Variants in MAG observed in about 807,000 individuals in gnomAD.
MAG encodes the protein myelin associated glycoprotein.
In MAG, 30 loss-of-function variants were observed where a neutral mutation model predicts 60.7. The ratio of observed to expected loss-of-function variants is 0.49; its 90% CI spans 0.37 to 0.67. MAG has a LOEUF of 0.67. Ranked by LOEUF, MAG falls within the 30% of genes least tolerant of loss-of-function variation. The probability of loss-of-function intolerance (pLI) is 0.00; values close to 1 mark genes in which losing one functional copy is unlikely to be tolerated. For missense variants in MAG, 795 were observed against 851.7 expected (o/e 0.93, Z 0.83); for synonymous variants, 384 against 376.8 (o/e 1.02, Z -0.22).
intron 9 of MAG, among the ~76,000 whole-genome samples, chr19:35,311,630 G>C (rs931340090): frequency 2.0e-5 from 3 of 152,240 alleles, no homozygotes; most frequent in African/African-American, 7.2e-5. Flanking sequence ...GGTGGCAAGA[G>C]GGGCAGAAAG....
At chr19:35,297,684 C>T (rs2066411590) in intron 4 of MAG, among the ~76,000 whole-genome samples, 2 of 147,878 alleles carry the variant, frequency 1.4e-5, no homozygotes, top group Admixed American at 6.8e-5. Context: ...ATACACCACA[C>T]ACTGCACATG....
In MAG at chr19:35,310,637, G is replaced by A. The variant is rs769951488; in HGVS notation, c.1610G>A (p.Arg537His). The A allele has an allele frequency of 9.3e-6, 15 of 1,613,850 alleles. No homozygotes were observed. The highest frequency in any genetic ancestry group is 1.3e-5 in the Non-Finnish European group (15 of 1,180,004). Residue 537 changes from arginine (R) to histidine (H), a missense_variant, in exon 9 of 11, where the codon CGC becomes CAC. Transcript: ENST00000392213. ...ATCGTCTGCTACATTACCCAGACAC[G>A]CAGGAAGTGAGTGCCAGCTGGGGCT... ...IAIVCYITQT[R>H]RKKNVTESPS...
In MAG at chr19:35,295,284, T is replaced by TAGC; in HGVS notation, c.-23-92_-23-90dup. On this transcript the variant is annotated intron_variant, in intron 2 of 10. Transcript: ENST00000392213. The surrounding 1 kb of genome is among the most constrained non-coding windows in gnomAD (Gnocchi z 5.8). ...AAATAAATGCATAAATAAATAATAA[T>TAGC]AGCAGCAGCAGCTAACATATGAATG... is the stretch of plus-strand genomic sequence containing the variant. 2.3e-6 allele frequency: 2 copies of TAGC among 862,934 alleles called. No individual in the cohort carries two copies. Among genetic ancestry groups the TAGC allele is most frequent in the Non-Finnish European group, 3.7e-6 (2 of 546,610 alleles). 53.5% of individuals were successfully genotyped at this position (862,934 alleles called of 1,614,324 possible). A position where few individuals can be genotyped will look rare whatever the true frequency, so the allele number is the denominator to read the frequency against.
Position 35,304,066 on chromosome 19 carries a change from G to A in MAG, c.1231+1358G>A, listed in dbSNP as rs112478400. On this transcript the variant is annotated intron_variant, in intron 7 of 10. Transcript: ENST00000392213. ...AATTCAAAGCAGTGTCTGCTACACA[G>A]TACATGCTCTGTGCTGTGTACATGG... is the stretch of plus-strand genomic sequence containing the variant. Among the ~76,000 whole-genome samples, 8 of 152,308 alleles carry A rather than the reference G, an allele frequency of 5.3e-5. 1 individual carries two copies. Among genetic ancestry groups the A allele is most frequent in the African/African-American group, 1.7e-4 (7 of 41,556 alleles).
In MAG at chr19:35,308,569, A is replaced by G. The variant is rs138104172; in HGVS notation, c.1232-1305A>G. Reference sequence around the variant, plus strand: ...GAACATAGCAAGACCCTGTCTCTACAAAAACAAACAAAAACCCTCCAGTAA... The same window carrying G: ...GAACATAGCAAGACCCTGTCTCTACGAAAACAAACAAAAACCCTCCAGTAA... On this transcript the variant is annotated intron_variant, in intron 7 of 10. Transcript: ENST00000392213. Among the ~76,000 whole-genome samples, 184 of 152,310 alleles carry G rather than the reference A, an allele frequency of 1.2e-3. 4 individuals are homozygous for G. The East Asian group carries it at 0.032, about 27-fold the overall frequency.
rs543856932 is a variant in MAG, at chr19:35,312,220, G to A, written c.1716+203G>A. On this transcript the variant is annotated intron_variant, in intron 10 of 10. Coordinates refer to ENST00000392213, the MANE Select transcript of MAG (RefSeq NM_002361.4). ...GCTGTGTAGGGGGCGATGGGACGTG[G>A]GGCCTAAGGGCCCCCTCCCCTCCCT... 159 of 1,496,780 alleles carry A rather than the reference G, an allele frequency of 1.1e-4. 3 individuals are homozygous for A. In the South Asian group the frequency reaches 1.7e-3, roughly 16 times the overall value. The allele number at this position is 1,496,780 out of a possible 1,614,324, so 92.7% of individuals were successfully genotyped here.
chr19:35,312,090 A>C (rs1459724069), intron 10 of MAG, 73 bp downstream of exon 10: 55 of 1,435,368 alleles, frequency 3.8e-5, no homozygotes, highest in Non-Finnish European at 5.1e-5. Context: ...AAGGCCTGTG[A>C]GGCCAAGGGG....
intron 4 of MAG, among the ~76,000 whole-genome samples, chr19:35,297,886 CACCACACACACAT>C (rs1484412789): frequency 6.7e-6 from 1 of 149,806 alleles, no homozygotes; most frequent in African/African-American, 2.5e-5. Context: ...ACCAAACACA[CACCACACACACAT>C]ACCACACTAC....
rs2066437398 is a variant in MAG at position 35,300,152 on chromosome 19, C to T, written c.718C>T (p.Pro240Ser). 3.3e-6 allele frequency: 5 copies of T among 1,533,644 alleles called. No homozygotes were observed. Among genetic ancestry groups the T allele is most frequent in the Non-Finnish European group, 4.4e-6 (5 of 1,136,530 alleles). The change falls in exon 6 of 11, where the codon CCG becomes TCG. Residue 240 changes from proline to serine, a missense_variant. Coordinates refer to ENST00000392213, the MANE Select transcript of MAG (RefSeq NM_002361.4). Reference sequence around the variant, plus strand: ...CGCTGTGTCGCGGGCCTTAGACCCCCCGGTGATTGTGGAGATGAACTCCTC... The same window carrying T: ...CGCTGTGTCGCGGGCCTTAGACCCCTCGGTGATTGTGGAGATGAACTCCTC... Reference protein sequence around the residue: ...GYASMDVKYPPVIVEMNSSVE... With the variant: ...GYASMDVKYPSVIVEMNSSVE...
At chr19:35,312,993 C>T (rs894552778) in intron 10 of MAG, among the ~76,000 whole-genome samples, 2 of 152,056 alleles carry the variant, frequency 1.3e-5, no homozygotes, top group African/African-American at 2.4e-5. Context: ...GAGCAAAGAT[C>T]GAGCCATTGC....
At position 35,313,499 on chromosome 19, in the gene MAG, C is replaced by A; in HGVS notation, c.*45C>A. ...CGTGGCTGACCCCCCTCAGGACCCT[C>A]GCTGGCCCCCACTGGCTGTGGGCTC... On this transcript the variant is annotated 3_prime_UTR_variant, in exon 11 of 11. Transcript: ENST00000392213. The A allele has an allele frequency of 6.5e-7, 1 of 1,545,350 alleles. No homozygotes were observed.
At chr19:35,306,495 T>C (rs904230118) in intron 7 of MAG, among the ~76,000 whole-genome samples, 2 of 151,884 alleles carry the variant, frequency 1.3e-5, no homozygotes, top group Non-Finnish European at 2.9e-5. Context: ...TGGAATGCAG[T>C]GGTTTGATCA....
Position 35,295,850 on chromosome 19 carries a change from T to C in MAG, c.284T>C (p.Leu95Pro). The C allele has an allele frequency of 1.2e-6, 2 of 1,614,050 alleles. No homozygotes were observed. The highest frequency in any genetic ancestry group is 1.7e-6 in the Non-Finnish European group (2 of 1,180,034). Residue 95 changes from leucine (L) to proline (P), a missense_variant, in exon 4 of 11, where the codon CTG becomes CCG. Transcript: ENST00000392213. This position sits in a 1 kb window ranked among gnomAD's most constrained non-coding sequence, Gnocchi z 5.8. The stretch of plus-strand genomic sequence containing the variant: ...GGCCGCAGCCGCCTCCTGGGGGACC[T>C]GGGCCTGCGAAACTGCACCCTCCTG... ...FQGRSRLLGD[L>P]GLRNCTLLLS...
intron 7 of MAG, among the ~76,000 whole-genome samples, chr19:35,306,709 A>T (rs536818400): frequency 7.5e-4 from 115 of 152,368 alleles, no homozygotes; most frequent in African/African-American, 2.5e-3. Flanking sequence ...AAGTGCTGGA[A>T]TGACAGGTGT....
At chr19:35,292,364 T>C (rs1388224177) in intron 1 of MAG, among the ~76,000 whole-genome samples, 160 bp downstream of exon 1, 1 of 151,726 alleles carries the variant, frequency 6.6e-6, no homozygotes, top group African/African-American at 2.4e-5. Context: ...GCTTTGGGGA[T>C]GGGCTCGGAC....
At chr19:35,312,510 T>G in intron 10 of MAG, 1 of 363,524 alleles carries the variant, frequency 2.8e-6, no homozygotes, top group Non-Finnish European at 5.3e-6. Context: ...GCCACCGTCC[T>G]GTGTGTCCAA....
In MAG at chr19:35,311,958, A is replaced by T; in HGVS notation, c.1657A>T (p.Asn553Tyr). 6.2e-7 allele frequency: 1 copy of T among 1,613,448 alleles called. No individual in the cohort carries two copies. The highest frequency in any genetic ancestry group is 8.5e-7 in the Non-Finnish European group (1 of 1,179,672). Residue 553 changes from asparagine (N) to tyrosine (Y), a missense_variant, in exon 10 of 11, where the codon AAC becomes TAC. By Grantham distance (143) the Asn-to-Tyr change is moderately radical. Transcript: ENST00000392213. ...GAGCCCCAGCTTCTCGGCAGGGGAC[A>T]ACCCTCCCGTCCTGTTCAGCAGCGA... is the stretch of plus-strand genomic sequence containing the variant. ...TESPSFSAGDNPPVLFSSDFR... is the reference protein window; with the variant it reads ...TESPSFSAGDYPPVLFSSDFR...
chr19:35,306,457 A>G (rs895763686), intron 7 of MAG, among the ~76,000 whole-genome samples: 4 of 152,014 alleles, frequency 2.6e-5, no homozygotes, highest in African/African-American at 9.6e-5. Context: ...TATTTTTTTG[A>G]GACAGGGTCT....
At chr19:35,292,719 C>T (rs1254523667) in intron 1 of MAG, among the ~76,000 whole-genome samples, 3 of 151,700 alleles carry the variant, frequency 2.0e-5, no homozygotes, top group East Asian at 1.9e-4. Context: ...AAGCCTCAGT[C>T]GACTTTTCTT....
Sources: gnomAD v4.1 joint callset for allele counts (sites outside exome capture counted in the v4.1 genomes callset) on GRCh38, gnomAD v4.1.1 for gene constraint, Gnocchi (gnomAD v3.1) non-coding constraint, MANE v1.5 for transcripts, NCBI Gene and HGNC (gene_info 2026-07-23, HGNC 2026-07-21) for gene names.